CDC73: variants seen among roughly 807,000 people sequenced by gnomAD.
CDC73 encodes the protein cell division cycle 73.
In CDC73, 21 loss-of-function variants were observed where a neutral mutation model predicts 83.7. That is an observed-to-expected ratio of 0.25 (90% CI 0.18 to 0.36). The LOEUF (loss-of-function observed/expected upper bound fraction) is 0.36, where lower values mean the gene tolerates loss of function less well. Ranked by LOEUF, CDC73 falls within the 10% of genes least tolerant of loss-of-function variation. The probability of loss-of-function intolerance (pLI) is 1.00; values close to 1 mark genes in which losing one functional copy is unlikely to be tolerated. For synonymous variants in CDC73, 224 were observed against 212.9 expected (o/e 1.05, Z -0.45); for missense variants, 342 against 653.3 (o/e 0.52, Z 5.19).
intron 13 of CDC73, among the ~76,000 whole-genome samples, chr1:193,221,757 A>G (rs1449710704): frequency 6.6e-6 from 1 of 152,202 alleles, no homozygotes; most frequent in Non-Finnish European, 1.5e-5. Flanking sequence ...CCACATTCTT[A>G]GGATAGACCA....
chr1:193,229,064 C>G (rs185005521), intron 13 of CDC73, among the ~76,000 whole-genome samples: 6 of 152,166 alleles, frequency 3.9e-5, no homozygotes, highest in African/African-American at 1.4e-4. Context: ...TGTTGAGATA[C>G]TATTTCACAT....
chr1:193,152,007 CTT>C (rs1676122005), intron 9 of CDC73, among the ~76,000 whole-genome samples: 1 of 152,078 alleles, frequency 6.6e-6, no homozygotes, highest in African/African-American at 2.4e-5. Flanking sequence ...TGGAACACTA[CTT>C]TTTATAACTT....
intron 3 of CDC73, among the ~76,000 whole-genome samples, chr1:193,134,542 G>A (rs1237311276): frequency 6.6e-6 from 1 of 152,148 alleles, no homozygotes; most frequent in East Asian, 1.9e-4. Context: ...GTGGTGGCAT[G>A]TGCCTGTAGT....
chr1:193,184,273 T>C (rs1205500022), intron 10 of CDC73, among the ~76,000 whole-genome samples: 11 of 151,966 alleles, frequency 7.2e-5, no homozygotes, highest in Admixed American at 5.2e-4. Context: ...TCAGGTCTTA[T>C]AAATTTTTTT....
intron 13 of CDC73, among the ~76,000 whole-genome samples, chr1:193,213,974 C>T (rs1053108101): frequency 6.6e-6 from 1 of 152,156 alleles, no homozygotes; most frequent in African/African-American, 2.4e-5. Context: ...CCTTTTCTTC[C>T]CCTGCTCCAG....
intron 10 of CDC73, among the ~76,000 whole-genome samples, chr1:193,174,540 A>G (rs748431188): frequency 2.0e-5 from 3 of 152,154 alleles, no homozygotes; most frequent in Non-Finnish European, 4.4e-5. Flanking sequence ...ATATGGGTGT[A>G]GAGTGGTAAT....
At chr1:193,186,842 A>G (rs1022990294) in intron 10 of CDC73, among the ~76,000 whole-genome samples, 1 of 152,050 alleles carries the variant, frequency 6.6e-6, no homozygotes, top group Non-Finnish European at 1.5e-5. Context: ...TTTCCAGCTT[A>G]CTTCCTTTTT....
Position 193,122,077 on chromosome 1 carries a change from G to T in CDC73, c.-124G>T. 1 of 890,228 alleles carries T rather than the reference G, an allele frequency of 1.1e-6. No homozygotes were observed. The highest frequency in any genetic ancestry group is 1.8e-6 in the Non-Finnish European group (1 of 551,702). 55.1% of individuals were successfully genotyped at this position (890,228 alleles called of 1,614,324 possible). ...GTAGGCGAGGACGGCTGTTAGTGCT[G>T]CTGCTGTTGGTTCGTCGCGGCGGCG... On this transcript the variant is annotated 5_prime_UTR_variant, in exon 1 of 17. Transcript: ENST00000367435.
intron 10 of CDC73, among the ~76,000 whole-genome samples, chr1:193,162,286 A>G (rs1431656705): frequency 7.8e-6 from 1 of 128,606 alleles, no homozygotes; most frequent in Non-Finnish European, 1.6e-5. Flanking sequence ...TATAGTATAT[A>G]TGATATATTA....
At chr1:193,242,096 G>A (rs1677872213) in intron 15 of CDC73, among the ~76,000 whole-genome samples, 1 of 152,220 alleles carries the variant, frequency 6.6e-6, no homozygotes, top group African/African-American at 2.4e-5. Context: ...ATTGTCTGCA[G>A]GTTTGCAGGG....
intron 11 of CDC73, among the ~76,000 whole-genome samples, chr1:193,208,766 C>G (rs1442298802): frequency 6.6e-6 from 1 of 152,128 alleles, no homozygotes; most frequent in South Asian, 2.1e-4. Context: ...TTCTTCCTTT[C>G]TTCTCTGTGG....
At chr1:193,159,901 C>T (rs1676279527) in intron 10 of CDC73, among the ~76,000 whole-genome samples, 1 of 151,632 alleles carries the variant, frequency 6.6e-6, no homozygotes, top group Non-Finnish European at 1.5e-5. Flanking sequence ...AATATTTTGC[C>T]AGCATTATTA....
At chr1:193,139,596 C>T (rs1027034537) in intron 6 of CDC73, among the ~76,000 whole-genome samples, 1 of 152,068 alleles carries the variant, frequency 6.6e-6, no homozygotes, top group African/African-American at 2.4e-5. Context: ...TTACATTTTC[C>T]TGCTTTATTA....
intron 10 of CDC73, among the ~76,000 whole-genome samples, chr1:193,193,199 A>G (rs917481150): frequency 6.6e-6 from 1 of 152,214 alleles, no homozygotes; most frequent in African/African-American, 2.4e-5. Context: ...CCAACTTCTT[A>G]GGCTGTATAA....
intron 2 of CDC73, chr1:193,128,054 G>A (rs1397986791): frequency 1.3e-5 from 2 of 152,166 alleles, no homozygotes; most frequent in African/African-American, 4.8e-5. Context: ...CTCCCAAAGT[G>A]TTGGGATTAC....
intron 10 of CDC73, among the ~76,000 whole-genome samples, chr1:193,172,237 C>CT (rs36004862): frequency 0.21 from 27,801 of 134,326 alleles, 2,805 homozygotes; most frequent in Admixed American, 0.28. Context: ...TTTTTGGTAC[C>CT]TTTTTTTTTT....
At chr1:193,153,531 C>G (rs1015684025) in intron 10 of CDC73, among the ~76,000 whole-genome samples, 4 of 152,264 alleles carry the variant, frequency 2.6e-5, no homozygotes, top group African/African-American at 9.6e-5. Context: ...TGTGGTTTCT[C>G]AGAATTAACA....
intron 11 of CDC73, among the ~76,000 whole-genome samples, chr1:193,211,490 AG>A (rs1412909233): frequency 1.3e-5 from 2 of 152,134 alleles, no homozygotes; most frequent in African/African-American, 2.4e-5. Flanking sequence ...TTTTCACCTA[AG>A]GGAAACACTT....
chr1:193,133,685 A>G lies in CDC73; in HGVS notation c.308-1706A>G, dbSNP rs188364085. Among the ~76,000 whole-genome samples, 255 of 152,312 alleles carry G rather than the reference A, an allele frequency of 1.7e-3. 1 individual carries two copies. The highest frequency in any genetic ancestry group is 4.3e-3 in the Admixed American group (66 of 15,304). On this transcript the variant is annotated intron_variant, in intron 3 of 16. Coordinates refer to ENST00000367435, the MANE Select transcript of CDC73 (RefSeq NM_024529.5). ...GTAGTAAAGTTCTGTATTATAAAAA[A>G]CAAAAGACATGACAAACTGGGAAAA... is the stretch of plus-strand genomic sequence containing the variant.
Sources: gnomAD v4.1 joint callset for allele counts (sites outside exome capture counted in the v4.1 genomes callset) on GRCh38, gnomAD v4.1.1 for gene constraint, MANE v1.5 for transcripts, NCBI Gene and HGNC (gene_info 2026-07-23, HGNC 2026-07-21) for gene names.